Variants in FGF14 observed in about 807,000 individuals in gnomAD.
The protein encoded by FGF14 is fibroblast growth factor homologous factor 4.
Under a neutral mutation model 25.5 loss-of-function variants are expected in FGF14, and 5 were observed. That is an observed-to-expected ratio of 0.20 (90% CI 0.10 to 0.41). FGF14 has a LOEUF of 0.41. Among genes scored for constraint, FGF14 ranks in the 10% least tolerant of loss-of-function variants. The pLI is 1.00. For synonymous variants in FGF14, 138 were observed against 118.3 expected (o/e 1.17, Z -1.08); for missense variants, 222 against 320.1 (o/e 0.69, Z 2.34).
chr13:101,985,202 T>C (rs1265687658), intron 1 of FGF14, among the ~76,000 whole-genome samples: 1 of 151,840 alleles, frequency 6.6e-6, no homozygotes, highest in Non-Finnish European at 1.5e-5. Flanking sequence ...CAAAAAGGAG[T>C]TTAACCCTGC....
chr13:101,976,839 T>C (rs1164719597), intron 1 of FGF14, among the ~76,000 whole-genome samples: 1 of 152,236 alleles, frequency 6.6e-6, no homozygotes, highest in East Asian at 1.9e-4. Context: ...CTTGGTAGTT[T>C]ATGCAATGAT....
At chr13:102,101,041 G>T (rs2044637591) in intron 1 of FGF14, among the ~76,000 whole-genome samples, 1 of 151,966 alleles carries the variant, frequency 6.6e-6, no homozygotes, top group Non-Finnish European at 1.5e-5. Flanking sequence ...GGAGGTTGCA[G>T]TGAGCTGAGA....
At chr13:101,955,127 A>C (rs2036432823) in intron 1 of FGF14, among the ~76,000 whole-genome samples, 1 of 152,166 alleles carries the variant, frequency 6.6e-6, no homozygotes, top group African/African-American at 2.4e-5. Flanking sequence ...CCAGCTGGAG[A>C]CTGTACGTAG....
At chr13:101,813,133 C>A (rs1323944765) in intron 3 of FGF14, among the ~76,000 whole-genome samples, 5 of 152,218 alleles carry the variant, frequency 3.3e-5, no homozygotes, top group African/African-American at 1.2e-4. Context: ...TGGTGACATC[C>A]TTATGGTAGC....
chr13:101,978,712 GT>G (rs1394282666), intron 1 of FGF14, among the ~76,000 whole-genome samples: 1 of 152,188 alleles, frequency 6.6e-6, no homozygotes, highest in African/African-American at 2.4e-5. Context: ...GTAAATGCCA[GT>G]TCTACTTTCA....
At chr13:101,900,483 G>C (rs1220754947) in intron 1 of FGF14, among the ~76,000 whole-genome samples, 1 of 152,102 alleles carries the variant, frequency 6.6e-6, no homozygotes, top group African/African-American at 2.4e-5. Context: ...CTCAAAAAAA[G>C]GGGGACTTCA....
chr13:102,230,095 C>A (rs1472925898), intron 1 of FGF14, among the ~76,000 whole-genome samples: 2 of 152,052 alleles, frequency 1.3e-5, no homozygotes, highest in African/African-American at 4.8e-5. Context: ...AGGGCAGAGC[C>A]CTCATAATTG....
chr13:102,206,181 C>A (rs1156806050), intron 1 of FGF14, among the ~76,000 whole-genome samples: 1 of 151,074 alleles, frequency 6.6e-6, no homozygotes, highest in African/African-American at 2.4e-5. Context: ...TTTCAGAGGA[C>A]CTTTTCAGAG....
At chr13:102,152,394 C>T (rs1257170750) in intron 1 of FGF14, among the ~76,000 whole-genome samples, 2 of 152,154 alleles carry the variant, frequency 1.3e-5, no homozygotes, top group Non-Finnish European at 2.9e-5. Flanking sequence ...TCTGAAGCTT[C>T]CCTCCTTGGT....
chr13:101,809,038 C>T (rs899857379), intron 3 of FGF14, among the ~76,000 whole-genome samples: 12 of 152,020 alleles, frequency 7.9e-5, no homozygotes, highest in African/African-American at 1.9e-4. Flanking sequence ...TTCAAATCTC[C>T]GGGAGTTCTT....
At chr13:101,994,364 AGG>A (rs1224218163) in intron 1 of FGF14, among the ~76,000 whole-genome samples, 1 of 152,052 alleles carries the variant, frequency 6.6e-6, no homozygotes. Flanking sequence ...TTTACAGCAA[AGG>A]TCTTGATAAA....
At chr13:102,166,137 T>C (rs1045639088) in intron 1 of FGF14, among the ~76,000 whole-genome samples, 1 of 150,986 alleles carries the variant, frequency 6.6e-6, no homozygotes, top group Non-Finnish European at 1.5e-5. Flanking sequence ...TCTGTCTCTC[T>C]AGATTTGACT....
chr13:101,732,876 AT>A (rs1044843226), intron 3 of FGF14, among the ~76,000 whole-genome samples: 2 of 152,060 alleles, frequency 1.3e-5, no homozygotes, highest in East Asian at 1.9e-4. Flanking sequence ...TGAATTCTCA[AT>A]TTTTTTTCTT....
chr13:102,173,660 T>C (rs539587520), intron 1 of FGF14, among the ~76,000 whole-genome samples: 1 of 152,304 alleles, frequency 6.6e-6, no homozygotes, highest in South Asian at 2.1e-4. Context: ...AGAATGAAAT[T>C]CTGTCATTTG....
intron 1 of FGF14, among the ~76,000 whole-genome samples, chr13:102,149,318 T>G (rs1227150512): frequency 6.6e-6 from 1 of 152,106 alleles, no homozygotes; most frequent in African/African-American, 2.4e-5. Context: ...CAAACAGGTG[T>G]TACTTAAAAA....
chr13:102,208,508 T>C (rs1365789913), intron 1 of FGF14, among the ~76,000 whole-genome samples: 1 of 152,216 alleles, frequency 6.6e-6, no homozygotes, highest in Non-Finnish European at 1.5e-5. Context: ...CAGATAGAAA[T>C]TGCATAAACA....
chr13:101,826,789 G>T (rs1315262771), intron 3 of FGF14, among the ~76,000 whole-genome samples: 1 of 151,890 alleles, frequency 6.6e-6, no homozygotes, highest in Non-Finnish European at 1.5e-5. Flanking sequence ...ACAGACGTCT[G>T]CAAATATTTT....
chr13:101,821,242 C>A (rs1356183479), intron 3 of FGF14, among the ~76,000 whole-genome samples: 2 of 152,164 alleles, frequency 1.3e-5, no homozygotes, highest in Non-Finnish European at 2.9e-5. Context: ...GCCACTGCGC[C>A]CGGCCCAAAT....
At chr13:102,328,839 G>A (rs1260944363) in intron 1 of FGF14, among the ~76,000 whole-genome samples, 5 of 152,228 alleles carry the variant, frequency 3.3e-5, no homozygotes, top group Non-Finnish European at 7.4e-5. Context: ...CTGGTGTTCC[G>A]GTGAAACTGA....
Sources: gnomAD v4.1 joint callset for allele counts (sites outside exome capture counted in the v4.1 genomes callset) on GRCh38, gnomAD v4.1.1 for gene constraint, MANE v1.5 for transcripts, NCBI Gene and HGNC (gene_info 2026-07-23, HGNC 2026-07-21) for gene names.